SUN1: variants seen among roughly 807,000 people sequenced by gnomAD.
SUN1 encodes the protein SUN domain-containing protein 1.
A neutral mutation model predicts 103.2 loss-of-function variants in SUN1; 61 were observed. That is an observed-to-expected ratio of 0.59 (90% CI 0.48 to 0.73). The LOEUF is 0.73. SUN1 is among the 30% of genes least tolerant of loss of function. The probability of loss-of-function intolerance (pLI) is 0.00; values close to 1 mark genes in which losing one functional copy is unlikely to be tolerated. For missense variants in SUN1, 1,052 were observed against 1,034.6 expected, an observed-to-expected ratio of 1.02 and a Z score of -0.23; for synonymous variants, 490 against 425.7, an observed-to-expected ratio of 1.15 and a Z score of -1.86.
In SUN1 at chr7:843,472, G is replaced by T. The variant is rs17851051; in HGVS notation, c.610G>T (p.Ala204Ser). The T allele has an allele frequency of 6.2e-7, 1 of 1,614,072 alleles. No individual in the cohort carries two copies. Among genetic ancestry groups the T allele is most frequent in the Non-Finnish European group, 8.5e-7 (1 of 1,179,936 alleles). Residue 204 changes from alanine to serine, a missense_variant, in exon 5 of 19, where the codon GCC becomes TCC. Transcript: ENST00000401592. ...RKDVLTAHPA[A>S]PGPVSRVYSR... ...GGACGTGCTCACGGCGCACCCCGCGGCCCCCGGGCCCGTGTCGAGAGTTTA... is the reference window on the plus strand; with the variant it reads ...GGACGTGCTCACGGCGCACCCCGCGTCCCCCGGGCCCGTGTCGAGAGTTTA...
chr7:831,016 G>A (rs1261670442), upstream of SUN1: 6 of 985,572 alleles, frequency 6.1e-6, no homozygotes, highest in South Asian at 1.9e-4. Context: ...GCCCTGTCCT[G>A]TGCCGGGCTC....
chr7:856,389 A>C lies in SUN1; in HGVS notation c.1382A>C (p.Gln461Pro). 1 of 1,614,190 alleles carries C rather than the reference A, an allele frequency of 6.2e-7. No homozygotes were observed. Among genetic ancestry groups the C allele is most frequent in the Admixed American group, 1.7e-5 (1 of 60,026 alleles). The change falls in exon 12 of 19, where the codon CAA becomes CCA. Residue 461 changes from glutamine (Q) to proline (P), a missense_variant. This residue lies in a region of SUN1 where 846 missense variants were observed against 774.5 expected (regional missense o/e 1.09). Transcript: ENST00000401592. ...CAGAAGGAACTAGAACAGACCAAGC[A>C]AAAAACAATCAGGTAGGAGGATTTG... ...AIQKELEQTK[Q>P]KTISAVGEQL...
chr7:828,786 C>T (rs1222412850), upstream of SUN1, among the ~76,000 whole-genome samples: 1 of 152,232 alleles, frequency 6.6e-6, no homozygotes, highest in East Asian at 1.9e-4. Flanking sequence ...GATGGCTCTC[C>T]ACCCGTCCAT....
At chr7:861,572 C>A in intron 15 of SUN1, 108 bp downstream of exon 15, 1 of 1,032,668 alleles carries the variant, frequency 9.7e-7, no homozygotes, top group Non-Finnish European at 1.5e-6. Context: ...GGACTCCTAA[C>A]TTTTAAACAT....
At chr7:823,423 CTA>C (rs1442247461) in intron 1 of SUN1, among the ~76,000 whole-genome samples, 1 of 152,034 alleles carries the variant, frequency 6.6e-6, no homozygotes, top group Non-Finnish European at 1.5e-5. Flanking sequence ...TGGGGTGTAA[CTA>C]GACCAAGGAG....
intron 1 of SUN1, among the ~76,000 whole-genome samples, chr7:818,199 C>T (rs530173535): frequency 6.6e-6 from 1 of 152,286 alleles, no homozygotes; most frequent in Non-Finnish European, 1.5e-5. Flanking sequence ...CCCATTCTTC[C>T]GTCTCCCCAG....
chr7:843,362 A>T lies in SUN1; in HGVS notation c.500A>T (p.Gln167Leu). 1 of 1,607,446 alleles carries T rather than the reference A, an allele frequency of 6.2e-7. No individual in the cohort carries two copies. The highest frequency in any genetic ancestry group is 8.5e-7 in the Non-Finnish European group (1 of 1,176,646). Reference sequence around the variant, plus strand: ...TTAGGTGGAAATAAAGCTGCCATTCAGGGAAACGGGGATGTGGGAGCCGCC... The same window carrying T: ...TTAGGTGGAAATAAAGCTGCCATTCTGGGAAACGGGGATGTGGGAGCCGCC... ...DLKGGNKAAI[Q>L]GNGDVGAAAA... is the part of the protein sequence containing the mutation. The change falls in exon 5 of 19, where the codon CAG (glutamine) becomes CTG (leucine). Residue 167 changes from glutamine (Q) to leucine (L), a missense_variant. By Grantham distance (113) the Gln-to-Leu change is moderately radical (BLOSUM62 -2). Coordinates refer to ENST00000401592, the MANE Select transcript of SUN1 (RefSeq NM_001130965.3).
upstream of SUN1, among the ~76,000 whole-genome samples, chr7:829,846 GC>G (rs1037683387): frequency 2.6e-5 from 4 of 152,140 alleles, no homozygotes; most frequent in Non-Finnish European, 5.9e-5. Flanking sequence ...GAGCCACCGA[GC>G]CCGGCCATAA....
chr7:871,089 C>T (rs536175555), intron 17 of SUN1, among the ~76,000 whole-genome samples: 2 of 151,984 alleles, frequency 1.3e-5, no homozygotes, highest in African/African-American at 4.8e-5. Flanking sequence ...CGGGGTTTCT[C>T]CTTGTTGCTC....
At chr7:839,078 C>G (rs1169575617) in intron 2 of SUN1, 92 bp downstream of exon 2, 2 of 1,328,644 alleles carry the variant, frequency 1.5e-6, no homozygotes, top group African/African-American at 1.5e-5. Flanking sequence ...CGCACCCTGT[C>G]TCGAGCTTAA....
At chr7:827,989 G>C (rs1794197102), upstream of SUN1, among the ~76,000 whole-genome samples, 1 of 151,318 alleles carries the variant, frequency 6.6e-6, no homozygotes, top group African/African-American at 2.4e-5. Flanking sequence ...ACCGCAACCT[G>C]CGCCTCCTGG....
rs1827315797 is a variant in SUN1, at chr7:856,390, A to G, written c.1383A>G (p.Gln461=). ...AGAAGGAACTAGAACAGACCAAGCA[A>G]AAAACAATCAGGTAGGAGGATTTGG... ...AIQKELEQTK[Q]KTISAVGEQL... Residue 461 remains glutamine, a synonymous_variant, in exon 12 of 19, where the codon CAA becomes CAG. Coordinates refer to ENST00000401592, the MANE Select transcript of SUN1 (RefSeq NM_001130965.3). 6.2e-7 allele frequency: 1 copy of G among 1,614,074 alleles called. No individual in the cohort carries two copies. The highest frequency in any genetic ancestry group is 1.7e-5 in the Admixed American group (1 of 60,000).
chr7:858,026 A>C (rs1447074997), intron 13 of SUN1, 69 bp downstream of exon 13: 4 of 1,459,596 alleles, frequency 2.7e-6, no homozygotes, highest in Non-Finnish European at 3.7e-6. Context: ...TTGATGACTT[A>C]GGTTTATTAG....
upstream of SUN1, among the ~76,000 whole-genome samples, chr7:815,595 G>A (rs912983477): frequency 2.6e-5 from 4 of 151,966 alleles, no homozygotes; most frequent in African/African-American, 4.8e-5. Context: ...AAACAAAAGA[G>A]CAAAAAAGGT....
intron 5 of SUN1, among the ~76,000 whole-genome samples, chr7:844,731 G>T (rs1813547822): frequency 6.6e-6 from 1 of 152,224 alleles, no homozygotes; most frequent in Non-Finnish European, 1.5e-5. Flanking sequence ...CGGCCACTCT[G>T]CGCCAGGCAC....
chr7:842,644 G>T, intron 3 of SUN1: 1 of 185,682 alleles, frequency 5.4e-6, no homozygotes. Flanking sequence ...CCCCAGCCTG[G>T]CTGGCGAGAG....
intron 18 of SUN1, among the ~76,000 whole-genome samples, 161 bp from the exon 19 acceptor site, chr7:873,054 T>C (rs1842812649): frequency 6.6e-6 from 1 of 152,202 alleles, no homozygotes; most frequent in Non-Finnish European, 1.5e-5. Flanking sequence ...GCCATTGTAC[T>C]CCAGCCTGGG....
intron 3 of SUN1, 150 bp from the exon 4 acceptor site, chr7:843,056 G>A (rs1199590740): frequency 1.8e-6 from 2 of 1,115,590 alleles, no homozygotes; most frequent in East Asian, 2.4e-5. Context: ...GCATATATCT[G>A]GAGGCATTTT....
chr7:829,173 T>A (rs1174617929), upstream of SUN1, among the ~76,000 whole-genome samples: 2 of 152,240 alleles, frequency 1.3e-5, no homozygotes, highest in African/African-American at 4.8e-5. Flanking sequence ...CGTTTTTCAC[T>A]TACTGTGTGG....
Sources: gnomAD v4.1 joint callset for allele counts (sites outside exome capture counted in the v4.1 genomes callset) on GRCh38, gnomAD v4.1.1 for gene constraint, gnomAD v4.1.1 regional missense constraint, MANE v1.5 for transcripts, NCBI Gene and HGNC (gene_info 2026-07-23, HGNC 2026-07-21) for gene names.